Variants in DMD observed in about 807,000 individuals in gnomAD.
DMD encodes dystrophin.
In DMD, 63 loss-of-function variants were observed where a neutral mutation model predicts 330.1. The observed-to-expected ratio is 0.19, with a 90% CI of 0.16 to 0.24. The LOEUF is 0.24. Ranked by LOEUF, DMD falls within the 10% of genes least tolerant of loss-of-function variation. The probability of loss-of-function intolerance (pLI) is 1.00; values close to 1 mark genes in which losing one functional copy is unlikely to be tolerated. For synonymous variants in DMD, 1,223 were observed against 959.8 expected (o/e 1.27, Z -5.07); for missense variants, 3,344 against 2,684.1 (o/e 1.25, Z -5.43).
At chrX:32,423,399 G>A (rs1298440907) in intron 29 of DMD, among the ~76,000 whole-genome samples, 3 of 109,487 alleles carry the variant, frequency 2.7e-5, no homozygotes, top group African/African-American at 9.9e-5. Context: ...TTTGTCTAGA[G>A]TGAATATTAA....
intron 47 of DMD, among the ~76,000 whole-genome samples, chrX:31,916,500 T>A (rs1223601591): frequency 8.9e-6 from 1 of 112,048 alleles, no homozygotes; most frequent in Non-Finnish European, 1.9e-5. Flanking sequence ...TTTGCAAAGA[T>A]GTCTGAAGAG....
rs1410843474 is a variant in DMD, at chrX:32,375,831, C to T, written c.4845+4679G>A. Among the ~76,000 whole-genome samples the T allele has an allele frequency of 4.5e-5, 5 of 111,808 alleles. No homozygotes were observed. In the Admixed American group the frequency reaches 4.8e-4, roughly 11 times the overall value. Reference sequence around the variant, plus strand: ...AGGTGTTTCCAATTTTACTATATTTCTCAAGAAGCTTGATTTTTATAACAT... The same window carrying T: ...AGGTGTTTCCAATTTTACTATATTTTTCAAGAAGCTTGATTTTTATAACAT... On this transcript the variant is annotated intron_variant, in intron 34 of 78. Coordinates refer to ENST00000357033, the MANE Select transcript of DMD (RefSeq NM_004006.3).
chrX:31,206,288 G>T (rs968745527), intron 66 of DMD, among the ~76,000 whole-genome samples: 1 of 112,396 alleles, frequency 8.9e-6, no homozygotes, highest in Non-Finnish European at 1.9e-5. Context: ...ACAGAAAGAG[G>T]TTAGAAAATC....
chrX:31,881,506 T>G (rs1337991753), intron 47 of DMD, among the ~76,000 whole-genome samples: 7 of 112,062 alleles, frequency 6.2e-5, no homozygotes, highest in Non-Finnish European at 9.4e-5. Context: ...GATTTCACAT[T>G]TGCTCACCAC....
chrX:31,889,647 TCACACACACACACA>T (rs773894352), intron 47 of DMD, among the ~76,000 whole-genome samples: 2 of 71,594 alleles, frequency 2.8e-5, no homozygotes, highest in South Asian at 1.5e-3. Flanking sequence ...TCTCTCTCTC[TCACACACACACACA>T]CACACACACA....
At chrX:33,301,160 T>A (rs916910439) in intron 1 of DMD, among the ~76,000 whole-genome samples, 1 of 111,251 alleles carries the variant, frequency 9.0e-6, no homozygotes, top group Non-Finnish European at 1.9e-5. Flanking sequence ...CCAGGCATTG[T>A]CTGATTTAGG....
chrX:32,078,677 T>C lies in DMD; in HGVS notation c.6439-110163A>G, dbSNP rs1346427092. On this transcript the variant is annotated intron_variant, in intron 44 of 78. Coordinates refer to ENST00000357033, the MANE Select transcript of DMD (RefSeq NM_004006.3). ...ACTCCTGCCTAGAATACTGTTCCTTTTGATTGTTATTATAGGAGATCAATA... is the reference window on the plus strand; with the variant it reads ...ACTCCTGCCTAGAATACTGTTCCTTCTGATTGTTATTATAGGAGATCAATA... Among the ~76,000 whole-genome samples the C allele has an allele frequency of 8.9e-5, 10 of 112,078 alleles. No homozygotes were observed. The Admixed American group carries it at 9.5e-4, about 11-fold the overall frequency.
intron 47 of DMD, among the ~76,000 whole-genome samples, chrX:31,923,639 C>T (rs985128219): frequency 3.0e-5 from 3 of 99,764 alleles, no homozygotes; most frequent in Non-Finnish European, 4.0e-5. Context: ...TGCTCTGTCG[C>T]CAGGCTGGAG....
intron 1 of DMD, among the ~76,000 whole-genome samples, chrX:33,199,007 C>T (rs1442376117): frequency 9.1e-6 from 1 of 109,494 alleles, no homozygotes; most frequent in Non-Finnish European, 1.9e-5. Flanking sequence ...AGTAAGGGGG[C>T]GAGGCAAAGG....
intron 61 of DMD, among the ~76,000 whole-genome samples, chrX:31,328,295 C>A (rs779647032): frequency 4.5e-5 from 5 of 110,443 alleles, no homozygotes; most frequent in Non-Finnish European, 3.8e-5. Flanking sequence ...AAACATTTTA[C>A]ATAAATTACA....
At chrX:31,795,663 C>T (rs2091791227) in intron 50 of DMD, among the ~76,000 whole-genome samples, 1 of 111,696 alleles carries the variant, frequency 9.0e-6, no homozygotes, top group Non-Finnish European at 1.9e-5. Context: ...TCTTGCAGCC[C>T]AAAGCATCTT....
intron 60 of DMD, among the ~76,000 whole-genome samples, chrX:31,414,374 G>A (rs963510416): frequency 1.8e-5 from 2 of 111,914 alleles, no homozygotes; most frequent in African/African-American, 3.2e-5. Flanking sequence ...TAAAAAGCTC[G>A]AAACATATGG....
intron 43 of DMD, among the ~76,000 whole-genome samples, chrX:32,237,159 A>C (rs1354762062): frequency 9.0e-6 from 1 of 111,178 alleles, no homozygotes; most frequent in Non-Finnish European, 1.9e-5. Context: ...AAATATTTTT[A>C]TATATTTTAA....
At chrX:32,453,817 C>T (rs1418255600) in intron 26 of DMD, among the ~76,000 whole-genome samples, 1 of 110,639 alleles carries the variant, frequency 9.0e-6, no homozygotes, top group Non-Finnish European at 1.9e-5. Flanking sequence ...TTTTCCTTGT[C>T]ACAATCCTTG....
intron 74 of DMD, among the ~76,000 whole-genome samples, chrX:31,151,952 T>C (rs1216822445): frequency 1.8e-5 from 2 of 112,506 alleles, no homozygotes; most frequent in African/African-American, 3.2e-5. Context: ...CTTATCTTTT[T>C]CTGTGAGTGT....
chrX:32,929,864 C>T (rs1441491633), intron 2 of DMD, among the ~76,000 whole-genome samples: 2 of 111,604 alleles, frequency 1.8e-5, no homozygotes, highest in African/African-American at 6.5e-5. Context: ...TTTCCAGCTT[C>T]ATCCATGTCC....
intron 60 of DMD, among the ~76,000 whole-genome samples, chrX:31,442,908 A>G (rs192745004): frequency 4.5e-5 from 5 of 111,419 alleles, no homozygotes; most frequent in African/African-American, 1.6e-4. Flanking sequence ...CAAATCTTTC[A>G]GGACTATCCA....
chrX:33,339,338 A>C (rs937610519), exon 1 of DMD: 11 of 972,932 alleles, frequency 1.1e-5, no homozygotes, highest in Non-Finnish European at 1.5e-5. Flanking sequence ...AGTGCAAAAC[A>C]GCATCTTTCT....
chrX:32,988,754 T>A (rs1009161940), intron 2 of DMD, among the ~76,000 whole-genome samples: 1 of 111,883 alleles, frequency 8.9e-6, no homozygotes, highest in Non-Finnish European at 1.9e-5. Flanking sequence ...GGGAAGCAAA[T>A]GTTCATCTTT....
Sources: gnomAD v4.1 joint callset for allele counts (sites outside exome capture counted in the v4.1 genomes callset) on GRCh38, gnomAD v4.1.1 for gene constraint, MANE v1.5 for transcripts, NCBI Gene and HGNC (gene_info 2026-07-23, HGNC 2026-07-21) for gene names.